Variants in RSRP1 observed in about 807,000 individuals in gnomAD.
The protein encoded by RSRP1 is arginine and serine rich protein 1.
In RSRP1, 37 loss-of-function variants were observed where a neutral mutation model predicts 33.0. That is an observed-to-expected ratio of 1.12 (90% CI 0.86 to 1.48). The LOEUF (loss-of-function observed/expected upper bound fraction) is 1.48, where lower values mean the gene tolerates loss of function less well. RSRP1 is among the 40% of genes most tolerant of loss of function. The pLI, the probability that RSRP1 is intolerant of heterozygous loss-of-function variation, is 0.00. For missense variants in RSRP1, 402 were observed against 385.3 expected, an observed-to-expected ratio of 1.04 and a Z score of -0.36; for synonymous variants, 167 against 158.7, an observed-to-expected ratio of 1.05 and a Z score of -0.40.
In RSRP1 at chr1:25,292,544, G is replaced by A. The variant is rs372571548; in HGVS notation, c.-67+45434C>T. ...AGGTTCTCATCTGGCACAACTCAGC[G>A]GCTGCTGGTGCCATTTACTGAGATG... is the stretch of plus-strand genomic sequence containing the variant. On this transcript the variant is annotated intron_variant, in intron 1 of 1. Coordinates refer to the RSRP1 transcript ENST00000561867. 2.2e-4 allele frequency among the ~76,000 whole-genome samples: 29 copies of A among 131,520 alleles called. 4 individuals are homozygous for A. The highest frequency in any genetic ancestry group is 4.2e-3 in the Middle Eastern group (1 of 240). The allele number at this position is 131,520 out of a possible 152,430, so 86.3% of individuals were successfully genotyped here.
intron 1 of RSRP1, among the ~76,000 whole-genome samples, chr1:25,271,114 C>G (rs1417442035): frequency 7.6e-6 from 1 of 132,290 alleles, no homozygotes; most frequent in African/African-American, 2.6e-5. Context: ...CTGTAGTTTT[C>G]TTAACCAACC....
chr1:25,315,195 T>C lies in RSRP1; in HGVS notation c.-67+22783A>G, dbSNP rs1156736482. On this transcript the variant is annotated intron_variant, in intron 1 of 1. Transcript: ENST00000561867. Reference sequence around the variant, plus strand: ...TTGCAAGGTCATGCATATGTCCCCCTGATTTTTTTCCTAAAAATCACTTAT... The same window carrying C: ...TTGCAAGGTCATGCATATGTCCCCCCGATTTTTTTCCTAAAAATCACTTAT... Among the ~76,000 whole-genome samples, 3 of 130,332 alleles carry C rather than the reference T, an allele frequency of 2.3e-5. 1 individual carries two copies. The allele number at this position is 130,332 out of a possible 152,430, so 85.5% of individuals were successfully genotyped here.
chr1:25,299,511 C>T (rs1406589674), intron 1 of RSRP1, among the ~76,000 whole-genome samples: 7 of 131,958 alleles, frequency 5.3e-5, no homozygotes, highest in African/African-American at 1.8e-4. Context: ...TCCCTCCACC[C>T]TGCCCTTGTT....
intron 1 of RSRP1, among the ~76,000 whole-genome samples, chr1:25,297,021 T>C (rs1395752763): frequency 7.6e-6 from 1 of 131,780 alleles, no homozygotes; most frequent in East Asian, 1.9e-4. Flanking sequence ...GATTACCTTA[T>C]TCTCATTTCA....
chr1:25,258,392 C>T (rs1274118777), intron 1 of RSRP1, among the ~76,000 whole-genome samples: 2 of 152,092 alleles, frequency 1.3e-5, no homozygotes, highest in Non-Finnish European at 2.9e-5. Context: ...GTTGGCCAGG[C>T]TGGTCTTGAA....
Position 25,313,908 on chromosome 1 carries a change from A to C in RSRP1, c.-67+24070T>G, listed in dbSNP as rs545812689. Among the ~76,000 whole-genome samples the C allele has an allele frequency of 1.9e-4, 25 of 133,428 alleles. 3 individuals carry two copies. The highest frequency in any genetic ancestry group is 8.0e-4 in the Admixed American group (11 of 13,708). The allele number at this position is 133,428 out of a possible 152,430, so 87.5% of individuals were successfully genotyped here. ...ATAAATGAATGCCAGATAGGCAAAT[A>C]GAGAATCTAAGAAAAGATAGTTGGA... On this transcript the variant is annotated intron_variant, in intron 1 of 1. Transcript: ENST00000561867.
chr1:25,295,860 T>G lies in RSRP1; in HGVS notation c.-67+42118A>C, dbSNP rs879702955. Among the ~76,000 whole-genome samples the G allele has an allele frequency of 2.1e-4, 21 of 102,060 alleles. 3 individuals carry two copies. Among genetic ancestry groups the G allele is most frequent in the Middle Eastern group, 4.8e-3 (1 of 208 alleles). The allele number at this position is 102,060 out of a possible 152,430, so 67.0% of individuals were successfully genotyped here. On this transcript the variant is annotated intron_variant, in intron 1 of 1. Transcript: ENST00000561867. ...GAGGGAATATGGGAAATTTTTTTTT[T>G]TTTTTTTTTTTTTTTTTTTGAGATG...
rs1202134624 is a variant in RSRP1 at position 25,246,462 on chromosome 1, A to AGGGG, written c.498_501dup (p.Phe168ProfsTer6). On this transcript the variant is annotated frameshift_variant, in exon 2 of 5. Coordinates refer to ENST00000243189, the MANE Select transcript of RSRP1 (RefSeq NM_020317.5). LOFTEE classifies it high-confidence loss of function. ...CACCCACCTTTTTCACTTAAGCGAA[A>AGGGG]GGGGGTTCTGCTCCGCGACCTCGTC... 6.2e-7 allele frequency: 1 copy of AGGGG among 1,613,302 alleles called. No homozygotes were observed.
chr1:25,290,524 G>T, intron 1 of RSRP1: 1 of 944,360 alleles, frequency 1.1e-6, no homozygotes, highest in Non-Finnish European at 1.7e-6. Context: ...TATTCCCACA[G>T]AAAGTAGGTG....
At chr1:25,286,576 G>A (rs1642017017) in intron 1 of RSRP1, among the ~76,000 whole-genome samples, 1 of 134,178 alleles carries the variant, frequency 7.5e-6, no homozygotes, top group Admixed American at 7.2e-5. Context: ...CATGAGGTCA[G>A]GAGATCGAGA....
chr1:25,244,234 A>T (rs1431396563), intron 3 of RSRP1: 1 of 1,289,188 alleles, frequency 7.8e-7, no homozygotes, highest in Non-Finnish European at 1.0e-6. Context: ...TCTGGAATAT[A>T]TTGCATATAT....
chr1:25,271,369 C>G (rs1455092933), intron 1 of RSRP1, among the ~76,000 whole-genome samples: 1 of 130,824 alleles, frequency 7.6e-6, no homozygotes, highest in East Asian at 2.0e-4. Flanking sequence ...CTCACTACCT[C>G]ATGAGTATTT....
intron 1 of RSRP1, among the ~76,000 whole-genome samples, chr1:25,259,953 T>C (rs1331691773): frequency 6.6e-6 from 1 of 152,022 alleles, no homozygotes; most frequent in Non-Finnish European, 1.5e-5. Context: ...AGTGTTTAAA[T>C]GCTCTTCTGA....
intron 1 of RSRP1, among the ~76,000 whole-genome samples, chr1:25,318,791 T>G (rs190842387): frequency 2.3e-5 from 3 of 132,686 alleles, no homozygotes; most frequent in Admixed American, 2.2e-4. Flanking sequence ...TTAGCTTCTC[T>G]GTAAAATGAA....
At chr1:25,295,647 G>A (rs1642871219) in intron 1 of RSRP1, among the ~76,000 whole-genome samples, 1 of 105,840 alleles carries the variant, frequency 9.4e-6, no homozygotes, top group South Asian at 2.8e-4. Flanking sequence ...CGAGAGGGAA[G>A]GAGTTGGGTG....
intron 1 of RSRP1, among the ~76,000 whole-genome samples, chr1:25,331,446 T>C (rs1219669893): frequency 7.5e-6 from 1 of 132,754 alleles, no homozygotes; most frequent in African/African-American, 2.6e-5. Flanking sequence ...TAGTCATTAA[T>C]GGACAATGTA....
At chr1:25,287,433 C>G (rs1642125725) in intron 1 of RSRP1, among the ~76,000 whole-genome samples, 1 of 135,352 alleles carries the variant, frequency 7.4e-6, no homozygotes, top group Non-Finnish European at 1.8e-5. Context: ...TTGGATCCCC[C>G]TAGGGGTGAC....
In RSRP1 at chr1:25,306,036, G is replaced by T. The variant is rs1643802252; in HGVS notation, c.-67+31942C>A. Among the ~76,000 whole-genome samples the T allele has an allele frequency of 2.3e-5, 3 of 131,376 alleles. No individual in the cohort carries two copies. The South Asian group carries it at 6.9e-4, about 30-fold the overall frequency. 86.2% of individuals were successfully genotyped at this position (131,376 alleles called of 152,430 possible). On this transcript the variant is annotated intron_variant, in intron 1 of 1. Coordinates refer to the RSRP1 transcript ENST00000561867. ...ATGGGGAGGAAGGATTACTGAGTAG[G>T]GATCTGAAGGTGTGGCCTCATGCTT...
intron 1 of RSRP1, among the ~76,000 whole-genome samples, chr1:25,313,292 G>A (rs1571722300): frequency 7.6e-6 from 1 of 131,816 alleles, no homozygotes; most frequent in African/African-American, 2.6e-5. Flanking sequence ...GCATGTTCTT[G>A]GACTTCCCAG....
Sources: gnomAD v4.1 joint callset for allele counts (sites outside exome capture counted in the v4.1 genomes callset) on GRCh38, gnomAD v4.1.1 for gene constraint, MANE v1.5 for transcripts, NCBI Gene and HGNC (gene_info 2026-07-23, HGNC 2026-07-21) for gene names.